Variants in MECOM observed in about 807,000 individuals in gnomAD.
MECOM encodes MDS1 and EVI1 complex locus.
In MECOM, 13 loss-of-function variants were observed where a neutral mutation model predicts 116.3. The ratio of observed to expected loss-of-function variants is 0.11; its 90% CI spans 0.07 to 0.18. The LOEUF (loss-of-function observed/expected upper bound fraction) is 0.18, where lower values mean the gene tolerates loss of function less well. MECOM is among the 10% of genes least tolerant of loss of function. The pLI is 1.00. For synonymous variants in MECOM, 528 were observed against 535.2 expected (o/e 0.99, Z 0.19); for missense variants, 1,299 against 1,509.0 (o/e 0.86, Z 2.31).
At chr3:169,503,308 A>G (rs949346716) in intron 1 of MECOM, among the ~76,000 whole-genome samples, 7 of 152,214 alleles carry the variant, frequency 4.6e-5, no homozygotes, top group African/African-American at 1.7e-4. Context: ...TTAGACAAAG[A>G]AAACGTTGGT....
intron 2 of MECOM, among the ~76,000 whole-genome samples, chr3:169,283,865 A>G (rs1341491817): frequency 6.6e-6 from 1 of 152,130 alleles, no homozygotes; most frequent in East Asian, 1.9e-4. Context: ...GATAGTTGGT[A>G]ATACTAATAT....
intron 1 of MECOM, among the ~76,000 whole-genome samples, chr3:169,565,167 A>G (rs1043593248): frequency 1.3e-5 from 2 of 152,038 alleles, no homozygotes; most frequent in African/African-American, 2.4e-5. Flanking sequence ...CAGGGTCTGA[A>G]CTCCACGAGG....
At chr3:169,525,770 T>C (rs949735696) in intron 1 of MECOM, among the ~76,000 whole-genome samples, 2 of 152,236 alleles carry the variant, frequency 1.3e-5, no homozygotes, top group Non-Finnish European at 2.9e-5. Context: ...GGCTCACGCC[T>C]GTAATCCTAG....
rs199538949 is a variant in MECOM, at chr3:169,164,695, T to TA, written c.376-20864dup. 8.1e-3 allele frequency among the ~76,000 whole-genome samples: 1,239 copies of TA among 152,316 alleles called. 10 individuals carry two copies. The highest frequency in any genetic ancestry group is 0.014 in the Non-Finnish European group (922 of 68,020). On this transcript the variant is annotated intron_variant, in intron 2 of 16. Transcript: ENST00000651503. ...TGTCCCCAGCTATGAATCTATGTCA[T>TA]AAAATGTATGCTAATAAAAACAATT...
chr3:169,546,088 A>G (rs1760691750), intron 1 of MECOM, among the ~76,000 whole-genome samples: 1 of 152,210 alleles, frequency 6.6e-6, no homozygotes, highest in South Asian at 2.1e-4. Context: ...AACTGAGCCA[A>G]TAATTGGCTT....
At chr3:169,346,997 G>T (rs1038461968) in intron 2 of MECOM, among the ~76,000 whole-genome samples, 17 of 151,954 alleles carry the variant, frequency 1.1e-4, no homozygotes, top group African/African-American at 3.6e-4. Context: ...AACAAATTAT[G>T]GTATATCCAT....
At chr3:169,169,274 C>T (rs1744057974) in intron 2 of MECOM, among the ~76,000 whole-genome samples, 1 of 152,060 alleles carries the variant, frequency 6.6e-6, no homozygotes, top group Non-Finnish European at 1.5e-5. Flanking sequence ...ACAGGTCAAA[C>T]CTTTCCCTGG....
Position 169,468,932 on chromosome 3 carries a change from G to T in MECOM, c.38-87408C>A, listed in dbSNP as rs114329106. Among the ~76,000 whole-genome samples the T allele has an allele frequency of 9.9e-3, 1,503 of 152,296 alleles. 31 individuals are homozygous for T. The highest frequency in any genetic ancestry group is 0.035 in the African/African-American group (1,446 of 41,580). The stretch of plus-strand genomic sequence containing the variant: ...GAATGCAGACCTTCATAATTCCATT[G>T]TAATCATGGTCTTGGTTGAACTCAA... On this transcript the variant is annotated intron_variant, in intron 1 of 16. Coordinates refer to ENST00000651503, the MANE Select transcript of MECOM (RefSeq NM_004991.4).
chr3:169,211,983 T>C (rs139218088), intron 2 of MECOM, among the ~76,000 whole-genome samples: 150 of 152,264 alleles, frequency 9.9e-4, no homozygotes, highest in African/African-American at 3.4e-3. Context: ...CTGCCATCTG[T>C]TTTCCCATGC....
intron 1 of MECOM, among the ~76,000 whole-genome samples, chr3:169,486,693 G>A (rs182756395): frequency 2.6e-5 from 4 of 152,040 alleles, no homozygotes; most frequent in African/African-American, 4.8e-5. Context: ...AGAGAATGAG[G>A]AATATGCTCA....
chr3:169,355,619 T>C (rs1727144675), intron 2 of MECOM, among the ~76,000 whole-genome samples: 1 of 151,948 alleles, frequency 6.6e-6, no homozygotes, highest in Non-Finnish European at 1.5e-5. Flanking sequence ...ATAGCATTAT[T>C]ATCAGTAAAA....
At chr3:169,593,455 C>A (rs1365062902) in intron 1 of MECOM, among the ~76,000 whole-genome samples, 1 of 152,140 alleles carries the variant, frequency 6.6e-6, no homozygotes, top group African/African-American at 2.4e-5. Flanking sequence ...GGCAAATATA[C>A]CCTATACAGT....
intron 2 of MECOM, chr3:169,146,644 C>T (rs979524171): frequency 3.7e-6 from 5 of 1,362,462 alleles, no homozygotes; most frequent in Non-Finnish European, 3.9e-6. Flanking sequence ...AAACGGTGCC[C>T]CGGCAGGAAA....
At chr3:169,295,774 C>T (rs1242402456) in intron 2 of MECOM, among the ~76,000 whole-genome samples, 2 of 152,158 alleles carry the variant, frequency 1.3e-5, no homozygotes, top group Non-Finnish European at 2.9e-5. Context: ...CTGCTCTCTA[C>T]CTCCACCAAA....
At chr3:169,331,708 A>C (rs1412876339) in intron 2 of MECOM, among the ~76,000 whole-genome samples, 3 of 152,214 alleles carry the variant, frequency 2.0e-5, no homozygotes, top group Non-Finnish European at 2.9e-5. Context: ...ATAAAAATTC[A>C]AAGGGCTTTC....
chr3:169,513,398 G>A (rs1329079482), intron 1 of MECOM, among the ~76,000 whole-genome samples: 2 of 152,252 alleles, frequency 1.3e-5, no homozygotes, highest in African/African-American at 4.8e-5. Context: ...ATCCCTGGGT[G>A]TTATAGTCCT....
At chr3:169,385,214 A>C (rs1250865486) in intron 1 of MECOM, among the ~76,000 whole-genome samples, 4 of 152,108 alleles carry the variant, frequency 2.6e-5, no homozygotes, top group African/African-American at 7.2e-5. Context: ...TGCATAATCT[A>C]AGCGAGTGCA....
chr3:169,476,052 A>G (rs1268709221), intron 1 of MECOM, among the ~76,000 whole-genome samples: 1 of 152,224 alleles, frequency 6.6e-6, no homozygotes, highest in Non-Finnish European at 1.5e-5. Context: ...AGTTGTCTGC[A>G]TTTGAGAAAT....
chr3:169,088,841 A>T (rs1718702935), intron 16 of MECOM, among the ~76,000 whole-genome samples, 159 bp downstream of exon 16: 1 of 152,206 alleles, frequency 6.6e-6, no homozygotes, highest in South Asian at 2.1e-4. Flanking sequence ...GGATTTGGTC[A>T]TAAATACAGT....
Sources: gnomAD v4.1 joint callset for allele counts (sites outside exome capture counted in the v4.1 genomes callset) on GRCh38, gnomAD v4.1.1 for gene constraint, MANE v1.5 for transcripts, NCBI Gene and HGNC (gene_info 2026-07-23, HGNC 2026-07-21) for gene names.